Variants in RHBDL2 observed in about 807,000 individuals in gnomAD.
RHBDL2 encodes the protein rhomboid-related protein 2.
RHBDL2 carries 26 observed loss-of-function variants against 31.7 expected under a neutral mutation model. The ratio of observed to expected loss-of-function variants is 0.82; its 90% CI spans 0.60 to 1.14. RHBDL2 has a LOEUF of 1.14. Ranked by LOEUF, RHBDL2 falls within the 50% of genes most tolerant of loss-of-function variation. The probability of loss-of-function intolerance (pLI) is 0.00; values close to 1 mark genes in which losing one functional copy is unlikely to be tolerated. For synonymous variants in RHBDL2, 123 were observed against 127.2 expected, an observed-to-expected ratio of 0.97 and a Z score of 0.22; for missense variants, 336 against 364.4, an observed-to-expected ratio of 0.92 and a Z score of 0.63.
intron 1 of RHBDL2, among the ~76,000 whole-genome samples, chr1:38,935,518 T>A (rs1368891925): frequency 2.0e-5 from 3 of 152,232 alleles, no homozygotes; most frequent in Non-Finnish European, 4.4e-5. Flanking sequence ...GTGGTAAATA[T>A]CTACTTTATA....
chr1:38,929,743 T>G, intron 1 of RHBDL2: 1 of 190,572 alleles, frequency 5.2e-6, no homozygotes, highest in Non-Finnish European at 9.7e-6. Context: ...GAGGCCAGGA[T>G]TGGACTTCTG....
chr1:38,930,048 T>C (rs746354039), intron 1 of RHBDL2, among the ~76,000 whole-genome samples: 11 of 152,176 alleles, frequency 7.2e-5, no homozygotes. Flanking sequence ...ACATCAGCAG[T>C]AAGGGCAGCT....
rs545545042 is a variant in RHBDL2 at position 38,936,465 on chromosome 1, C to T, written c.-126+5217G>A. Among the ~76,000 whole-genome samples, 12 of 150,910 alleles carry T rather than the reference C, an allele frequency of 8.0e-5. No homozygotes were observed. In the East Asian group the frequency reaches 2.3e-3, roughly 29 times the overall value. On this transcript the variant is annotated intron_variant, in intron 1 of 7. Transcript: ENST00000372990. Reference sequence around the variant, plus strand: ...CTGGGATTACAGCAGGCACATGCAACCATACCCATCTAATTTTTGGTTTTT... The same window carrying T: ...CTGGGATTACAGCAGGCACATGCAATCATACCCATCTAATTTTTGGTTTTT...
intron 1 of RHBDL2, among the ~76,000 whole-genome samples, chr1:38,934,991 T>C (rs528347661): frequency 1.3e-5 from 2 of 152,206 alleles, no homozygotes; most frequent in African/African-American, 4.8e-5. Context: ...AGAAGCTCTG[T>C]TCTGTCTCAT....
chr1:38,916,732 G>A (rs968790604), intron 2 of RHBDL2, among the ~76,000 whole-genome samples: 3 of 151,274 alleles, frequency 2.0e-5, no homozygotes, highest in African/African-American at 4.9e-5. Flanking sequence ...CTAGCCAGGC[G>A]TGGTGGTGCA....
intron 1 of RHBDL2, among the ~76,000 whole-genome samples, chr1:38,924,805 T>G (rs574278916): frequency 1.6e-4 from 24 of 146,324 alleles, no homozygotes; most frequent in African/African-American, 6.1e-4. Flanking sequence ...TTTTTGAGAT[T>G]GAGTTTTGCT....
chr1:38,900,312 CG>C (rs1642973389), intron 4 of RHBDL2, among the ~76,000 whole-genome samples: 1 of 151,860 alleles, frequency 6.6e-6, no homozygotes, highest in African/African-American at 2.4e-5. Flanking sequence ...CCCAGCTACT[CG>C]GGAGGCTGAG....
chr1:38,918,338 T>G (rs141083025), intron 2 of RHBDL2, among the ~76,000 whole-genome samples: 2 of 152,236 alleles, frequency 1.3e-5, no homozygotes, highest in Non-Finnish European at 2.9e-5. Flanking sequence ...AGTTCCTTTA[T>G]AGGACATCAA....
Position 38,886,523 on chromosome 1 carries a change from A to G in RHBDL2, c.893T>C (p.Phe298Ser). ...GGCAGGTCAGTTTGCTGGAGATAGG[A>G]AAATGTTGAAAAACACAGCAAATAA... ...CVLFAVFFNI[F>S]LSPAN The change falls in exon 8 of 8, where the codon TTC (phenylalanine) becomes TCC (serine). Residue 298 changes from phenylalanine to serine, a missense_variant. Transcript: ENST00000372990. The G allele has an allele frequency of 1.3e-6, 2 of 1,585,038 alleles. No individual in the cohort carries two copies. The highest frequency in any genetic ancestry group is 2.3e-5 in the East Asian group (1 of 43,992).
intron 2 of RHBDL2, among the ~76,000 whole-genome samples, chr1:38,916,605 C>A (rs9439093): frequency 6.6e-6 from 1 of 151,744 alleles, no homozygotes; most frequent in Admixed American, 6.6e-5. Flanking sequence ...AGCCCTTTGG[C>A]GGGAGGCTGA....
intron 4 of RHBDL2, among the ~76,000 whole-genome samples, chr1:38,901,695 G>C (rs1191531167): frequency 2.0e-5 from 3 of 151,338 alleles, no homozygotes; most frequent in Non-Finnish European, 3.0e-5. Context: ...AATTAGCCGG[G>C]CATGGTGGCA....
chr1:38,893,079 T>G, intron 6 of RHBDL2, 85 bp downstream of exon 6: 1 of 816,196 alleles, frequency 1.2e-6, no homozygotes, highest in Non-Finnish European at 2.0e-6. Context: ...TGCAATCCTG[T>G]GATTCCCAAA....
chr1:38,903,418 G>C (rs1232199512), intron 4 of RHBDL2, among the ~76,000 whole-genome samples: 1 of 152,104 alleles, frequency 6.6e-6, no homozygotes, highest in Non-Finnish European at 1.5e-5. Flanking sequence ...GGGATTACAG[G>C]CATGAGCTAC....
rs561696769 is a variant in RHBDL2, at chr1:38,892,629, C to T, written c.670+535G>A. Among the ~76,000 whole-genome samples, 17 of 152,212 alleles carry T rather than the reference C, an allele frequency of 1.1e-4. 1 individual carries two copies. The South Asian group carries it at 2.7e-3, about 24-fold the overall frequency. On this transcript the variant is annotated intron_variant, in intron 6 of 7. Coordinates refer to ENST00000372990, the MANE Select transcript of RHBDL2 (RefSeq NM_017821.5). ...TTAGTGTCTGGGAAATGTGGAAAGGCCTTCTGAAGCCTAAACCAATCACAT... is the reference window on the plus strand; with the variant it reads ...TTAGTGTCTGGGAAATGTGGAAAGGTCTTCTGAAGCCTAAACCAATCACAT...
At chr1:38,914,156 A>G (rs1171071870) in intron 3 of RHBDL2, among the ~76,000 whole-genome samples, 2 of 151,920 alleles carry the variant, frequency 1.3e-5, no homozygotes, top group African/African-American at 4.8e-5. Flanking sequence ...GCAAAACTAA[A>G]TGGCGGGCAC....
chr1:38,910,617 C>A (rs1226611471), intron 4 of RHBDL2, among the ~76,000 whole-genome samples: 1 of 152,088 alleles, frequency 6.6e-6, no homozygotes, highest in Non-Finnish European at 1.5e-5. Context: ...AGTTGTCTTT[C>A]TTAAATGCAA....
At chr1:38,917,251 T>C (rs190334890) in intron 2 of RHBDL2, among the ~76,000 whole-genome samples, 1 of 152,012 alleles carries the variant, frequency 6.6e-6, no homozygotes, top group East Asian at 1.9e-4. Flanking sequence ...TCTCCTGACC[T>C]TGTGATCCGC....
intron 1 of RHBDL2, among the ~76,000 whole-genome samples, chr1:38,940,791 G>A (rs1019122473): frequency 2.0e-5 from 3 of 152,140 alleles, no homozygotes; most frequent in Non-Finnish European, 4.4e-5. Context: ...GTTAACTCAG[G>A]AAGCTGAGGC....
chr1:38,918,869 A>G (rs1643272142), intron 2 of RHBDL2, 98 bp downstream of exon 2: 1 of 1,452,272 alleles, frequency 6.9e-7, no homozygotes, highest in Non-Finnish European at 9.4e-7. Context: ...GCTCTCTCCC[A>G]TGTTCCCAGT....
Sources: allele counts gnomAD v4.1 joint callset (sites outside exome capture counted in the v4.1 genomes callset), GRCh38; gene constraint gnomAD v4.1.1; transcripts MANE v1.5; gene names NCBI Gene and HGNC (gene_info 2026-07-23, HGNC 2026-07-21).